Variants in DYSF observed in about 807,000 individuals in gnomAD.
DYSF encodes dystrophy-associated fer-1-like 1.
Under a neutral mutation model 274.9 loss-of-function variants are expected in DYSF, and 212 were observed. The observed-to-expected ratio is 0.77, with a 90% confidence interval of 0.69 to 0.86. DYSF has a LOEUF of 0.86. DYSF is among the 40% of genes least tolerant of loss of function. DYSF has a pLI of 0.00. For missense variants in DYSF, 2,666 were observed against 2,783.2 expected (o/e 0.96, Z 0.95); for synonymous variants, 1,091 against 1,078.7 (o/e 1.01, Z -0.22).
chr2:71,539,907 C>T (rs1476565929), intron 17 of DYSF, among the ~76,000 whole-genome samples: 3 of 152,154 alleles, frequency 2.0e-5, no homozygotes, highest in Non-Finnish European at 4.4e-5. Context: ...TAAGTGAATA[C>T]ACATATTCCA....
intron 4 of DYSF, 113 bp from the exon 5 acceptor site, chr2:71,511,694 T>A: frequency 2.6e-6 from 2 of 774,842 alleles, no homozygotes; most frequent in South Asian, 2.9e-5. Flanking sequence ...CAAACCTGGC[T>A]CTTGTCAGAG....
chr2:71,602,398 G>A (rs2093568134), intron 35 of DYSF, among the ~76,000 whole-genome samples: 1 of 152,118 alleles, frequency 6.6e-6, no homozygotes, highest in South Asian at 2.1e-4. Flanking sequence ...GCTCCTGGGG[G>A]TTCTAGGTTG....
chr2:71,472,939 T>C (rs1256544805), intron 1 of DYSF, among the ~76,000 whole-genome samples: 1 of 152,236 alleles, frequency 6.6e-6, no homozygotes, highest in African/African-American at 2.4e-5. Flanking sequence ...AAAAATTATA[T>C]GTAAATATCT....
rs568678546 is a variant in DYSF at position 71,490,578 on chromosome 2, C to T, written c.239+8608C>T. Among the ~76,000 whole-genome samples, 30 of 152,330 alleles carry T rather than the reference C, an allele frequency of 2.0e-4. No individual in the cohort carries two copies. In the South Asian group the frequency reaches 3.3e-3, roughly 17 times the overall value. On this transcript the variant is annotated intron_variant, in intron 3 of 55. Transcript: ENST00000410020. ...CTGACCTCAGGTGATCCGCCTGCCTCGGCCTTCCAAAGTGTTGGGATTACA... is the reference window on the plus strand; with the variant it reads ...CTGACCTCAGGTGATCCGCCTGCCTTGGCCTTCCAAAGTGTTGGGATTACA...
chr2:71,554,604 A>T (rs550022447), intron 21 of DYSF, among the ~76,000 whole-genome samples: 3 of 152,066 alleles, frequency 2.0e-5, no homozygotes, highest in African/African-American at 7.2e-5. Context: ...TGGGAAGGAG[A>T]TGGCCTTGGG....
intron 14 of DYSF, among the ~76,000 whole-genome samples, chr2:71,530,786 G>T (rs2088607902): frequency 6.6e-6 from 1 of 152,080 alleles, no homozygotes; most frequent in Admixed American, 6.5e-5. Context: ...GTCTCATTCT[G>T]CCTGTCCCTC....
At chr2:71,591,974 A>G (rs1231002416) in intron 32 of DYSF, among the ~76,000 whole-genome samples, 1 of 152,274 alleles carries the variant, frequency 6.6e-6, no homozygotes. Flanking sequence ...CCCAGGCCAG[A>G]CAGGCATCTG....
intron 42 of DYSF, among the ~76,000 whole-genome samples, chr2:71,651,175 AGAAAAG>A (rs988621030): frequency 3.9e-5 from 6 of 152,254 alleles, no homozygotes; most frequent in Middle Eastern, 3.4e-3. Context: ...ACAAAAAAAG[AGAAAAG>A]GAAAAGGAAA....
At chr2:71,532,678 G>A (rs1385080472) in intron 14 of DYSF, among the ~76,000 whole-genome samples, 3 of 152,200 alleles carry the variant, frequency 2.0e-5, no homozygotes, top group South Asian at 2.1e-4. Flanking sequence ...GAAGTAGCCC[G>A]TGTGCATCCT....
At chr2:71,613,481 C>A in intron 40 of DYSF, 71 bp downstream of exon 40, 1 of 1,263,440 alleles carries the variant, frequency 7.9e-7, no homozygotes, top group Non-Finnish European at 1.1e-6. Context: ...CCCACCCCTT[C>A]TCCCCTACCC....
In DYSF at chr2:71,568,352, A is replaced by C; in HGVS notation, c.2864+14A>C. On this transcript the variant is annotated intron_variant, in intron 26 of 55. Transcript: ENST00000410020. ...TCCGGAGAAGACGTGAGTCGTGGGC[A>C]GGGAGGGCTGGGGAGAGCCAGGCCA... 4.3e-6 allele frequency: 7 copies of C among 1,611,006 alleles called. No individual in the cohort carries two copies. The highest frequency in any genetic ancestry group is 5.9e-6 in the Non-Finnish European group (7 of 1,177,750).
At position 71,562,863 on chromosome 2, in the gene DYSF, C is replaced by T. The variant is rs562248284; in HGVS notation, c.2409+919C>T. ...TCCTCACAGTGGCAGCAGACCAACC[C>T]CTCAGGCTGGTCACGGGCTTCCCTC... On this transcript the variant is annotated intron_variant, in intron 23 of 55. Transcript: ENST00000410020. Among the ~76,000 whole-genome samples, 3 of 152,310 alleles carry T rather than the reference C, an allele frequency of 2.0e-5. No homozygotes were observed. In the South Asian group the frequency reaches 6.2e-4, roughly 32 times the overall value.
At chr2:71,602,836 G>A in intron 36 of DYSF, 31 bp downstream of exon 36, 1 of 1,611,400 alleles carries the variant, frequency 6.2e-7, no homozygotes. Flanking sequence ...GGGATGGGTG[G>A]GCCGAGGTAG....
At chr2:71,562,085 C>T in intron 23 of DYSF, 141 bp downstream of exon 23, 1 of 1,160,008 alleles carries the variant, frequency 8.6e-7, no homozygotes, top group Admixed American at 2.0e-5. Context: ...GACTTAACCT[C>T]TCTGAACCTC....
At chr2:71,672,629 G>C (rs1454756074) in intron 51 of DYSF, among the ~76,000 whole-genome samples, 1 of 152,136 alleles carries the variant, frequency 6.6e-6, no homozygotes, top group Non-Finnish European at 1.5e-5. Flanking sequence ...GACCTGGGGG[G>C]GTTCATTCCC....
intron 48 of DYSF, 80 bp from the exon 49 acceptor site, chr2:71,668,674 A>G (rs1381110874): frequency 7.3e-7 from 1 of 1,365,568 alleles, no homozygotes; most frequent in Admixed American, 1.9e-5. Context: ...CTGTGCCCTC[A>G]GCATCTGGCC....
Position 71,513,830 on chromosome 2 carries a change from C to G in DYSF, c.668C>G (p.Ser223Ter). The G allele has an allele frequency of 6.2e-7, 1 of 1,614,236 alleles. No individual in the cohort carries two copies. Among genetic ancestry groups the G allele is most frequent in the Non-Finnish European group, 8.5e-7 (1 of 1,180,042 alleles). Residue 223 changes from serine (S) to a stop codon, truncating the protein, a stop_gained, in exon 7 of 56, where the codon TCA becomes TGA. Coordinates refer to ENST00000410020, the MANE Select transcript of DYSF (RefSeq NM_001130987.2). LOFTEE classifies it high-confidence loss of function. ...GAPTTPRKLP[S>*]RPPPHYPGIK... ...CCCACCACCCCAAGGAAACTACCTTCACGTCCTCCGCCCCACTACCCCGGG... is the reference window on the plus strand; with the variant it reads ...CCCACCACCCCAAGGAAACTACCTTGACGTCCTCCGCCCCACTACCCCGGG...
intron 3 of DYSF, among the ~76,000 whole-genome samples, chr2:71,499,063 C>T (rs116324697): frequency 1.6e-3 from 246 of 152,292 alleles, no homozygotes; most frequent in African/African-American, 5.1e-3. Flanking sequence ...TATTTAAAAA[C>T]GCAGTGAAAA....
rs76929999 is a variant in DYSF at position 71,617,066 on chromosome 2, A to G, written c.4465-3481A>G. Among the ~76,000 whole-genome samples, 798 of 152,162 alleles carry G rather than the reference A, an allele frequency of 5.2e-3. 23 individuals are homozygous for G. Among genetic ancestry groups the G allele is most frequent in the East Asian group, 0.039 (202 of 5,182 alleles). ...CCAAATAGAGGCTGTGCCCCCAGAA[A>G]TCGCACCTTTGAGGCACTGAGATGC... is the stretch of plus-strand genomic sequence containing the variant. On this transcript the variant is annotated intron_variant, in intron 40 of 55. Transcript: ENST00000410020.
Sources: gnomAD v4.1 joint callset for allele counts (sites outside exome capture counted in the v4.1 genomes callset) on GRCh38, gnomAD v4.1.1 for gene constraint, MANE v1.5 for transcripts, NCBI Gene and HGNC (gene_info 2026-07-23, HGNC 2026-07-21) for gene names.